Variants in LRRTM4 observed in about 807,000 individuals in gnomAD.
LRRTM4 encodes leucine rich repeat transmembrane neuronal 4.
In LRRTM4, 25 loss-of-function variants were observed where a neutral mutation model predicts 47.6. The observed-to-expected ratio is 0.53, with a 90% CI of 0.38 to 0.73. The LOEUF is 0.73. Among genes scored for constraint, LRRTM4 ranks in the 30% least tolerant of loss-of-function variants. LRRTM4 has a pLI of 0.00. For missense variants in LRRTM4, 638 were observed against 713.4 expected (o/e 0.89, Z 1.20); for synonymous variants, 311 against 269.5 (o/e 1.15, Z -1.51).
intron 3 of LRRTM4, among the ~76,000 whole-genome samples, chr2:76,941,592 G>GT (rs1176554831): frequency 6.6e-6 from 1 of 151,400 alleles, no homozygotes; most frequent in Non-Finnish European, 1.5e-5. Context: ...GTTTTAGTTT[G>GT]TTAAAAATAA....
intron 3 of LRRTM4, among the ~76,000 whole-genome samples, chr2:76,833,227 G>A (rs531443563): frequency 2.6e-5 from 4 of 152,114 alleles, no homozygotes; most frequent in Non-Finnish European, 4.4e-5. Flanking sequence ...AAAGGGTGAA[G>A]AGTTTTATTT....
chr2:77,073,674 G>A (rs564893318), intron 3 of LRRTM4, among the ~76,000 whole-genome samples: 3 of 152,030 alleles, frequency 2.0e-5, no homozygotes, highest in Admixed American at 6.6e-5. Context: ...TGGGTATAAT[G>A]AGTGAATGTG....
At chr2:76,835,829 G>T (rs1205578298) in intron 3 of LRRTM4, among the ~76,000 whole-genome samples, 2 of 152,000 alleles carry the variant, frequency 1.3e-5, no homozygotes, top group African/African-American at 2.4e-5. Context: ...GTTTCACTGA[G>T]ACCTATCAGA....
chr2:77,504,644 T>C (rs1255607551), intron 3 of LRRTM4, among the ~76,000 whole-genome samples: 2 of 151,604 alleles, frequency 1.3e-5, no homozygotes, highest in Admixed American at 6.6e-5. Context: ...TTTACAATCT[T>C]AAGGAAAAAT....
Position 76,868,966 on chromosome 2 carries a change from G to C in LRRTM4, c.1552-120050C>G, listed in dbSNP as rs534165036. ...ACTTAACACGATAGCATGTCCAATT[G>C]TTAACAGCTTTATTTTACTTCTCTG... On this transcript the variant is annotated intron_variant, in intron 3 of 3. Coordinates refer to ENST00000409884, the MANE Select transcript of LRRTM4 (RefSeq NM_001134745.3). Among the ~76,000 whole-genome samples the C allele has an allele frequency of 3.3e-5, 5 of 152,168 alleles. No homozygotes were observed. In the East Asian group the frequency reaches 9.7e-4, roughly 29 times the overall value.
At chr2:77,344,998 ATAGT>A in intron 3 of LRRTM4, among the ~76,000 whole-genome samples, 1 of 150,822 alleles carries the variant, frequency 6.6e-6, no homozygotes, top group East Asian at 1.9e-4. Flanking sequence ...AATTATATAA[ATAGT>A]TATTGATAAT....
intron 3 of LRRTM4, among the ~76,000 whole-genome samples, chr2:77,186,619 A>G (rs551106190): frequency 2.6e-5 from 4 of 152,318 alleles, no homozygotes; most frequent in Admixed American, 2.0e-4. Flanking sequence ...AAATACAATT[A>G]AAATGTCATA....
chr2:77,077,375 G>A lies in LRRTM4; in HGVS notation c.1552-328459C>T, dbSNP rs191272947. ...TATTCCCAGTCTAGGAACATGGTAA[G>A]TTTTATTATATCCTAATAGATAGTA... On this transcript the variant is annotated intron_variant, in intron 3 of 3. Transcript: ENST00000409884. 2.9e-3 allele frequency among the ~76,000 whole-genome samples: 447 copies of A among 152,228 alleles called. 2 individuals are homozygous for A. Among genetic ancestry groups the A allele is most frequent in the African/African-American group, 0.01 (428 of 41,554 alleles).
At chr2:77,509,969 G>A (rs1324987003) in intron 3 of LRRTM4, among the ~76,000 whole-genome samples, 1 of 152,008 alleles carries the variant, frequency 6.6e-6, no homozygotes, top group African/African-American at 2.4e-5. Flanking sequence ...TGACCTCTCT[G>A]CTATTACTTT....
chr2:77,229,533 G>A (rs964797268), intron 3 of LRRTM4, among the ~76,000 whole-genome samples: 1 of 151,952 alleles, frequency 6.6e-6, no homozygotes, highest in Admixed American at 6.6e-5. Context: ...ACATTTTCCT[G>A]CATAATCAGA....
intron 3 of LRRTM4, among the ~76,000 whole-genome samples, chr2:77,278,763 T>C (rs1676433155): frequency 6.6e-6 from 1 of 151,950 alleles, no homozygotes; most frequent in African/African-American, 2.4e-5. Flanking sequence ...TGTTAGAAAG[T>C]GTGTATACCA....
At chr2:76,849,278 T>C (rs1227073846) in intron 3 of LRRTM4, among the ~76,000 whole-genome samples, 5 of 152,074 alleles carry the variant, frequency 3.3e-5, no homozygotes, top group Non-Finnish European at 7.4e-5. Flanking sequence ...CTTTCTGTTT[T>C]TGTGCTCAAG....
At chr2:76,946,189 G>A (rs1472145450) in intron 3 of LRRTM4, among the ~76,000 whole-genome samples, 5 of 151,874 alleles carry the variant, frequency 3.3e-5, no homozygotes, top group Non-Finnish European at 7.4e-5. Context: ...GGAAATCACA[G>A]TCCTAATCAT....
At chr2:77,340,310 TA>T (rs943302986) in intron 3 of LRRTM4, among the ~76,000 whole-genome samples, 12 of 151,166 alleles carry the variant, frequency 7.9e-5, no homozygotes, top group African/African-American at 2.9e-4. Context: ...ATCTTGGGGG[TA>T]AAAAAACAAA....
intron 3 of LRRTM4, among the ~76,000 whole-genome samples, chr2:77,078,505 CA>C (rs1461547110): frequency 2.0e-5 from 3 of 152,038 alleles, no homozygotes; most frequent in Admixed American, 2.0e-4. Flanking sequence ...ACTTGTTCTT[CA>C]TTATAAAGTG....
chr2:76,996,741 A>T (rs776642720), intron 3 of LRRTM4, among the ~76,000 whole-genome samples: 10 of 151,962 alleles, frequency 6.6e-5, no homozygotes, highest in Non-Finnish European at 1.2e-4. Context: ...GATTGATGAA[A>T]AGTTTCCTCA....
At chr2:77,027,515 C>A (rs1419786878) in intron 3 of LRRTM4, among the ~76,000 whole-genome samples, 1 of 152,090 alleles carries the variant, frequency 6.6e-6, no homozygotes, top group Non-Finnish European at 1.5e-5. Context: ...ACTCAAGGGT[C>A]TTATGGTGGA....
intron 3 of LRRTM4, among the ~76,000 whole-genome samples, chr2:77,171,226 C>G (rs1352420126): frequency 6.6e-6 from 1 of 152,038 alleles, no homozygotes; most frequent in Non-Finnish European, 1.5e-5. Flanking sequence ...AGAATCATGA[C>G]AATCTGACAA....
chr2:77,180,634 T>C (rs1412648573), intron 3 of LRRTM4, among the ~76,000 whole-genome samples: 1 of 152,196 alleles, frequency 6.6e-6, no homozygotes. Context: ...TGTAAAATCA[T>C]GAAAATTACT....
Sources: allele counts gnomAD v4.1 joint callset (sites outside exome capture counted in the v4.1 genomes callset), GRCh38; gene constraint gnomAD v4.1.1; transcripts MANE v1.5; gene names NCBI Gene and HGNC (gene_info 2026-07-23, HGNC 2026-07-21).